The following ATG13 variants were observed in gnomAD, a reference collection of about 807,000 sequenced individuals.
The protein encoded by ATG13 is autophagy-related protein 13.
ATG13 carries 23 observed loss-of-function variants against 65.5 expected under a neutral mutation model. That is an observed-to-expected ratio of 0.35 (90% CI 0.25 to 0.50). The LOEUF is 0.50. Ranked by LOEUF, ATG13 falls within the 20% of genes least tolerant of loss-of-function variation. The probability of loss-of-function intolerance (pLI) is 0.98; values close to 1 mark genes in which losing one functional copy is unlikely to be tolerated. For missense variants in ATG13, 566 were observed against 677.0 expected, an observed-to-expected ratio of 0.84 and a Z score of 1.82; for synonymous variants, 252 against 245.2, an observed-to-expected ratio of 1.03 and a Z score of -0.26.
chr11:46,658,340 C>G (rs1451618715), intron 10 of ATG13, among the ~76,000 whole-genome samples: 1 of 152,146 alleles, frequency 6.6e-6, no homozygotes, highest in Non-Finnish European at 1.5e-5. Context: ...TTCGTGGAGT[C>G]TCTACTACTG....
At chr11:46,652,309 A>G (rs2059088676) in intron 7 of ATG13, among the ~76,000 whole-genome samples, 1 of 152,114 alleles carries the variant, frequency 6.6e-6, no homozygotes, top group African/African-American at 2.4e-5. Context: ...GTGCTTTTGG[A>G]TACAAATAAC....
chr11:46,661,900 ATGT>A (rs573878653), intron 11 of ATG13, among the ~76,000 whole-genome samples: 17 of 152,278 alleles, frequency 1.1e-4, no homozygotes, highest in Non-Finnish European at 2.1e-4. Context: ...TCTGTGATTG[ATGT>A]TGTAGAATCC....
intron 1 of ATG13, among the ~76,000 whole-genome samples, chr11:46,625,581 A>C (rs913520789): frequency 2.0e-5 from 3 of 152,098 alleles, no homozygotes; most frequent in Non-Finnish European, 4.4e-5. Context: ...CAAATTTATC[A>C]CAGAGTGATT....
rs2063214701 is a variant in ATG13 at position 46,669,513 on chromosome 11, A to T, written c.1556A>T (p.Gln519Leu). The T allele has an allele frequency of 6.2e-7, 1 of 1,614,130 alleles. No homozygotes were observed. Among genetic ancestry groups the T allele is most frequent in the Non-Finnish European group, 8.5e-7 (1 of 1,179,984 alleles). ...LSSLSIDIGAQSMAEDLDSLP... is the reference protein window; with the variant it reads ...LSSLSIDIGALSMAEDLDSLP... ...AGCCTCTCCATAGATATTGGAGCACAGTCCATGGCTGAAGACTTGGTATGG... is the reference window on the plus strand; with the variant it reads ...AGCCTCTCCATAGATATTGGAGCACTGTCCATGGCTGAAGACTTGGTATGG... Residue 519 changes from glutamine (Q) to leucine (L), a missense_variant, in exon 18 of 19, where the codon CAG becomes CTG. Gln to Leu is a moderately radical substitution (Grantham distance 113, BLOSUM62 -2). Coordinates refer to ENST00000683050, the MANE Select transcript of ATG13 (RefSeq NM_001346311.2).
chr11:46,620,723 C>A (rs2047211431), intron 1 of ATG13, among the ~76,000 whole-genome samples: 1 of 151,830 alleles, frequency 6.6e-6, no homozygotes. Flanking sequence ...TGCTGTGAGC[C>A]GAGATCATGC....
At chr11:46,670,516 A>G (rs2063484805) in intron 18 of ATG13, among the ~76,000 whole-genome samples, 1 of 151,156 alleles carries the variant, frequency 6.6e-6, no homozygotes, top group African/African-American at 2.4e-5. Flanking sequence ...TACTACTACC[A>G]AGACCTTTTG....
At chr11:46,642,772 T>C (rs929880074) in intron 2 of ATG13, among the ~76,000 whole-genome samples, 1 of 152,244 alleles carries the variant, frequency 6.6e-6, no homozygotes, top group Non-Finnish European at 1.5e-5. Flanking sequence ...ATTCAGGATG[T>C]TGTTACCACT....
chr11:46,648,938 A>G (rs942818071), intron 5 of ATG13, 199 bp from the exon 6 acceptor site: 1 of 416,572 alleles, frequency 2.4e-6, no homozygotes, highest in Non-Finnish European at 4.2e-6. Context: ...TGACGTATTT[A>G]TTAAGAAAAA....
intron 14 of ATG13, among the ~76,000 whole-genome samples, chr11:46,666,825 A>G (rs2062471155): frequency 6.6e-6 from 1 of 151,412 alleles, no homozygotes; most frequent in Non-Finnish European, 1.5e-5. Context: ...TTGCCCCCTC[A>G]CATTCTAAAT....
chr11:46,656,106 A>G lies in ATG13; in HGVS notation c.459-127A>G, dbSNP rs2060001322. ...AAGTAGTAGGAATTACTAATGCTCC[A>G]TCAGCAGAGGTATTTGAGCAGATGA... On this transcript the variant is annotated intron_variant, in intron 7 of 18. Coordinates refer to ENST00000683050, the MANE Select transcript of ATG13 (RefSeq NM_001346311.2). The G allele has an allele frequency of 8.0e-6, 6 of 751,970 alleles. No individual in the cohort carries two copies. The South Asian group carries it at 9.0e-5, about 11-fold the overall frequency. The allele number at this position is 751,970 out of a possible 1,614,324, so 46.6% of individuals were successfully genotyped here.
At position 46,654,281 on chromosome 11, in the gene ATG13, TTTTA is replaced by T. The variant is rs1319374737; in HGVS notation, c.459-1950_459-1947del. On this transcript the variant is annotated intron_variant, in intron 7 of 18. Coordinates refer to ENST00000683050, the MANE Select transcript of ATG13 (RefSeq NM_001346311.2). ...GACCTCATCACTACTATTTTTAAAATTTTATATATATATATATATATATATATAT... is the reference window on the plus strand; with the variant it reads ...GACCTCATCACTACTATTTTTAAAATTATATATATATATATATATATATAT... Among the ~76,000 whole-genome samples, 701 of 81,920 alleles carry T rather than the reference TTTTA, an allele frequency of 8.6e-3. 25 individuals are homozygous for T. Among genetic ancestry groups the T allele is most frequent in the African/African-American group, 0.04 (670 of 16,758 alleles). The allele number at this position is 81,920 out of a possible 152,430, so 53.7% of individuals were successfully genotyped here.
chr11:46,619,686 C>T (rs943735494), intron 1 of ATG13, among the ~76,000 whole-genome samples: 2 of 151,838 alleles, frequency 1.3e-5, no homozygotes, highest in African/African-American at 2.4e-5. Context: ...CCACTCCTGG[C>T]CGATTTCTTG....
Position 46,668,491 on chromosome 11 carries a change from C to G in ATG13, c.1252-8C>G, listed in dbSNP as rs974935888. On this transcript the variant is annotated splice_polypyrimidine_tract_variant and splice_region_variant and intron_variant, in intron 15 of 18. Coordinates refer to ENST00000683050, the MANE Select transcript of ATG13 (RefSeq NM_001346311.2). The stretch of plus-strand genomic sequence containing the variant: ...AGGCATGAATGCTTTTCTCCTGTGT[C>G]TCTTCAGGTGACCCTGACGAGTTTG... 2 of 1,613,772 alleles carry G rather than the reference C, an allele frequency of 1.2e-6. No individual in the cohort carries two copies. The highest frequency in any genetic ancestry group is 1.7e-6 in the Non-Finnish European group (2 of 1,179,720).
At position 46,672,460 on chromosome 11, in the gene ATG13, TGG is replaced by T. The variant is rs1229759402; in HGVS notation, c.*131_*132del. ...GTGGAAGGGAGGCTGGCTTCTCCCA[TGG>T]GGACCCAGAAGTCCCTACTCTTGGA... On this transcript the variant is annotated 3_prime_UTR_variant, in exon 19 of 19. Coordinates refer to ENST00000683050, the MANE Select transcript of ATG13 (RefSeq NM_001346311.2). 3 of 1,560,252 alleles carry T rather than the reference TGG, an allele frequency of 1.9e-6. No homozygotes were observed. In the African/African-American group the frequency reaches 4.1e-5, roughly 21 times the overall value.
At chr11:46,661,675 T>C (rs1262403996) in intron 11 of ATG13, among the ~76,000 whole-genome samples, 6 of 151,562 alleles carry the variant, frequency 4.0e-5, no homozygotes, top group Non-Finnish European at 1.5e-5. Flanking sequence ...CTACCAAAAA[T>C]AAAAAAATTA....
rs2063905057 is a variant in ATG13 at position 46,672,199 on chromosome 11, C to G, written c.1576-56C>G. ...CCTCCCCTCTTCGGGACTGGGCTGG[C>G]TGCCTCCTCAAGGCCCTGCCTGAAT... On this transcript the variant is annotated intron_variant, in intron 18 of 18. Coordinates refer to ENST00000683050, the MANE Select transcript of ATG13 (RefSeq NM_001346311.2). 5 of 1,612,372 alleles carry G rather than the reference C, an allele frequency of 3.1e-6. No individual in the cohort carries two copies. In the South Asian group the frequency reaches 5.5e-5, roughly 18 times the overall value.
At chr11:46,626,541 C>T (rs1242069795) in intron 1 of ATG13, among the ~76,000 whole-genome samples, 6 of 152,160 alleles carry the variant, frequency 3.9e-5, no homozygotes, top group East Asian at 3.9e-4. Context: ...TGAGCCACTG[C>T]GCCCGGCCTG....
intron 7 of ATG13, among the ~76,000 whole-genome samples, chr11:46,651,295 G>A (rs2058842215): frequency 6.6e-6 from 1 of 152,222 alleles, no homozygotes; most frequent in Non-Finnish European, 1.5e-5. Flanking sequence ...TGTTCTGGTT[G>A]GTAAACAGTG....
rs201941697 is a variant in ATG13 at position 46,662,134 on chromosome 11, C to CA, written c.790-1863_790-1862insA. On this transcript the variant is annotated intron_variant, in intron 11 of 18. Transcript: ENST00000683050. ...GACAAAAAAAGCAGACAAAGACCTA[C>CA]TTTCTTCCTAGTGCACATTAATAGA... Among the ~76,000 whole-genome samples, 966 of 152,316 alleles carry CA rather than the reference C, an allele frequency of 6.3e-3. 11 individuals are homozygous for CA. The highest frequency in any genetic ancestry group is 0.015 in the African/African-American group (642 of 41,574).
Sources: gnomAD v4.1 joint callset for allele counts (sites outside exome capture counted in the v4.1 genomes callset) on GRCh38, gnomAD v4.1.1 for gene constraint, MANE v1.5 for transcripts, NCBI Gene and HGNC (gene_info 2026-07-23, HGNC 2026-07-21) for gene names.